ETNK1: variants seen among roughly 807,000 people sequenced by gnomAD.
The protein encoded by ETNK1 is ethanolamine kinase 1.
In ETNK1, 8 loss-of-function variants were observed where a neutral mutation model predicts 45.1. The ratio of observed to expected loss-of-function variants is 0.18; its 90% confidence interval spans 0.10 to 0.32. The LOEUF is 0.32. Among genes scored for constraint, ETNK1 ranks in the 10% least tolerant of loss-of-function variants. The probability of loss-of-function intolerance (pLI) is 1.00; values close to 1 mark genes in which losing one functional copy is unlikely to be tolerated. For synonymous variants in ETNK1, 152 were observed against 151.9 expected, an observed-to-expected ratio of 1.00 and a Z score of -0.01; for missense variants, 302 against 430.6, an observed-to-expected ratio of 0.70 and a Z score of 2.64.
At chr12:22,641,088 A>G (rs1202801735) in intron 1 of ETNK1, among the ~76,000 whole-genome samples, 5 of 152,146 alleles carry the variant, frequency 3.3e-5, no homozygotes, top group Admixed American at 3.3e-4. Context: ...ACATCTTTAA[A>G]CTGAAGTCAT....
At position 22,685,327 on chromosome 12, in the gene ETNK1, A is replaced by C. The variant is rs141163915; in HGVS notation, c.*373A>C. 1.7e-3 allele frequency: 263 copies of C among 158,480 alleles called. 1 individual carries two copies. Among genetic ancestry groups the C allele is most frequent in the African/African-American group, 6.0e-3 (252 of 41,788 alleles). 9.8% of individuals were successfully genotyped at this position (158,480 alleles called of 1,614,324 possible). A position where few individuals can be genotyped will look rare whatever the true frequency, so the allele number is the denominator to read the frequency against. On this transcript the variant is annotated 3_prime_UTR_variant, in exon 8 of 8. Transcript: ENST00000266517. ...TGTAAGCAATGAAAATGTCCCAAAT[A>C]AGTTTTTTAAGTTTTACTTTAATAA... is the stretch of plus-strand genomic sequence containing the variant.
rs558797835 is a variant in ETNK1 at position 22,673,797 on chromosome 12, T to A, written c.945+137T>A. 5.7e-6 allele frequency: 5 copies of A among 875,532 alleles called. No individual in the cohort carries two copies. In the East Asian group the frequency reaches 1.3e-4, roughly 23 times the overall value. The allele number at this position is 875,532 out of a possible 1,614,324, so 54.2% of individuals were successfully genotyped here. A position where few individuals can be genotyped will look rare whatever the true frequency, so the allele number is the denominator to read the frequency against. ...AAAATAATGTAAATACATGACCATT[T>A]ACAGTATGCATTACCCCATTGCATT... On this transcript the variant is annotated intron_variant, in intron 6 of 7. Coordinates refer to ENST00000266517, the MANE Select transcript of ETNK1 (RefSeq NM_018638.5).
At chr12:22,630,600 G>A (rs1953564696) in intron 1 of ETNK1, among the ~76,000 whole-genome samples, 1 of 151,934 alleles carries the variant, frequency 6.6e-6, no homozygotes, top group South Asian at 2.1e-4. Context: ...TTTTCTTTTT[G>A]TATTTTATTT....
chr12:22,650,108 G>A (rs1440835122), intron 2 of ETNK1, among the ~76,000 whole-genome samples: 1 of 151,872 alleles, frequency 6.6e-6, no homozygotes, highest in Non-Finnish European at 1.5e-5. Flanking sequence ...ATTCATTACT[G>A]GTATGTAGGA....
intron 1 of ETNK1, among the ~76,000 whole-genome samples, chr12:22,641,990 T>A (rs1953745762): frequency 6.6e-6 from 1 of 152,166 alleles, no homozygotes; most frequent in Non-Finnish European, 1.5e-5. Context: ...CAAATAAATG[T>A]ATAATATAGC....
intron 7 of ETNK1, 51 bp downstream of exon 7, chr12:22,684,607 T>C (rs1404989307): frequency 8.2e-7 from 1 of 1,223,394 alleles, no homozygotes; most frequent in Non-Finnish European, 1.2e-6. Context: ...TTTGTTTGGA[T>C]TAACATTAAG....
At chr12:22,670,471 CAAAAGTT>C (rs1312349309) in intron 4 of ETNK1, among the ~76,000 whole-genome samples, 1 of 151,762 alleles carries the variant, frequency 6.6e-6, no homozygotes, top group African/African-American at 2.4e-5. Context: ...ATTCATTACT[CAAAAGTT>C]AAAAGTTCCT....
intron 1 of ETNK1, among the ~76,000 whole-genome samples, chr12:22,633,359 G>A (rs759530454): frequency 6.6e-6 from 1 of 152,168 alleles, no homozygotes; most frequent in Non-Finnish European, 1.5e-5. Context: ...GCAAGCCACC[G>A]CACCCGGCCT....
chr12:22,625,402 T>TGGTGGTAGTCTCCGCCGTCGC lies in ETNK1; in HGVS notation c.-28_-8dup. ...CTCGTGGTCGCCGTCGCCGTCGTCG[T>TGGTGGTAGTCTCCGCCGTCGC]GGTGGTAGTCTCCGCCGTCGCCTGG... On this transcript the variant is annotated 5_prime_UTR_variant, in exon 1 of 8. Coordinates refer to ENST00000266517, the MANE Select transcript of ETNK1 (RefSeq NM_018638.5). 6.4e-7 allele frequency: 1 copy of TGGTGGTAGTCTCCGCCGTCGC among 1,550,534 alleles called. No homozygotes were observed. The highest frequency in any genetic ancestry group is 8.7e-7 in the Non-Finnish European group (1 of 1,152,274).
intron 6 of ETNK1, chr12:22,682,213 T>C (rs1380839634): frequency 5.7e-6 from 2 of 351,144 alleles, no homozygotes. Flanking sequence ...GAAAAACTTA[T>C]AGTACTATAT....
chr12:22,638,566 A>T (rs1953685740), intron 1 of ETNK1: 1 of 151,982 alleles, frequency 6.6e-6, no homozygotes, highest in Admixed American at 6.6e-5. Context: ...TTTAAGTTTT[A>T]TCATTTATTT....
chr12:22,675,489 A>G (rs548183214), intron 6 of ETNK1, among the ~76,000 whole-genome samples: 1 of 151,206 alleles, frequency 6.6e-6, no homozygotes, highest in African/African-American at 2.4e-5. Context: ...CCAAGTAGCT[A>G]GGACTACAGG....
rs1273977170 is a variant in ETNK1, at chr12:22,684,503, A to G, written c.966A>G (p.Gly322=). 1.9e-6 allele frequency: 3 copies of G among 1,608,582 alleles called. No homozygotes were observed. Among genetic ancestry groups the G allele is most frequent in the East Asian group, 2.2e-5 (1 of 44,686 alleles). The change falls in exon 7 of 8, where the codon GGA becomes GGG. Residue 322 remains glycine, a synonymous_variant. Transcript: ENST00000266517. ...TTAAGGCTTCTCATTTCTTTTGGGGATTGTGGGCTTTGATTCAAGCCAAAT... is the reference window on the plus strand; with the variant it reads ...TTAAGGCTTCTCATTTCTTTTGGGGGTTGTGGGCTTTGATTCAAGCCAAAT... The part of the protein sequence containing the change: ...QFALASHFFW[G]LWALIQAKYS...
chr12:22,627,577 T>C (rs1204206228), intron 1 of ETNK1, among the ~76,000 whole-genome samples: 1 of 152,118 alleles, frequency 6.6e-6, no homozygotes, highest in Non-Finnish European at 1.5e-5. Flanking sequence ...ACTTTCATAA[T>C]GGTTCAGAAT....
chr12:22,635,559 C>A (rs1953645432), intron 1 of ETNK1, among the ~76,000 whole-genome samples: 1 of 152,180 alleles, frequency 6.6e-6, no homozygotes, highest in Non-Finnish European at 1.5e-5. Context: ...GTGACAGATA[C>A]CACTTGCTTG....
At chr12:22,662,254 T>A (rs867501467) in intron 4 of ETNK1, among the ~76,000 whole-genome samples, 2 of 148,234 alleles carry the variant, frequency 1.3e-5, no homozygotes, top group Non-Finnish European at 3.0e-5. Flanking sequence ...TTTTTTTTTT[T>A]TTTTTTTTTT....
intron 2 of ETNK1, among the ~76,000 whole-genome samples, chr12:22,652,336 T>C (rs1257605038): frequency 6.6e-6 from 1 of 152,230 alleles, no homozygotes; most frequent in Non-Finnish European, 1.5e-5. Context: ...AATATGTTTT[T>C]GATACCCTGC....
intron 4 of ETNK1, among the ~76,000 whole-genome samples, chr12:22,664,579 G>A (rs973740202): frequency 6.6e-6 from 1 of 152,062 alleles, no homozygotes; most frequent in African/African-American, 2.4e-5. Flanking sequence ...ATATATTTGA[G>A]ATTGTAGCAT....
At chr12:22,641,076 G>A (rs1953729975) in intron 1 of ETNK1, among the ~76,000 whole-genome samples, 1 of 152,120 alleles carries the variant, frequency 6.6e-6, no homozygotes, top group Non-Finnish European at 1.5e-5. Context: ...AGTATTACCT[G>A]TACATCTTTA....
Sources: gnomAD v4.1 joint callset for allele counts (sites outside exome capture counted in the v4.1 genomes callset) on GRCh38, gnomAD v4.1.1 for gene constraint, MANE v1.5 for transcripts, NCBI Gene and HGNC (gene_info 2026-07-23, HGNC 2026-07-21) for gene names.